The following PGAP2 variants were observed in gnomAD, a reference collection of about 807,000 sequenced individuals.
The protein encoded by PGAP2 is acyltransferase PGAP2.
PGAP2 carries 21 observed loss-of-function variants against 33.2 expected under a neutral mutation model. That is an observed-to-expected ratio of 0.63 (90% CI 0.45 to 0.91). The LOEUF (loss-of-function observed/expected upper bound fraction) is 0.91, where lower values mean the gene tolerates loss of function less well. PGAP2 is among the 40% of genes least tolerant of loss of function. The pLI, the probability that PGAP2 is intolerant of heterozygous loss-of-function variation, is 0.00. For missense variants in PGAP2, 345 were observed against 424.0 expected (o/e 0.81, Z 1.64); for synonymous variants, 161 against 172.9 (o/e 0.93, Z 0.54).
chr11:3,816,636 A>C (rs1443671270), intron 2 of PGAP2, among the ~76,000 whole-genome samples: 2 of 152,112 alleles, frequency 1.3e-5, no homozygotes, highest in Admixed American at 6.5e-5. Flanking sequence ...GAGGAGATGT[A>C]GGTCTGGGCT....
intron 1 of PGAP2, among the ~76,000 whole-genome samples, chr11:3,802,831 T>A (rs1191471320): frequency 6.0e-5 from 1 of 16,756 alleles, no homozygotes; most frequent in South Asian, 2.0e-3. Flanking sequence ...TGTTTCTTTT[T>A]TTTTTTTTTT....
rs778866176 is a variant in PGAP2, at chr11:3,811,202, G to GCCA, written c.-10-47_-10-45dup. 6.4e-7 allele frequency: 1 copy of GCCA among 1,562,668 alleles called. No individual in the cohort carries two copies. Among genetic ancestry groups the GCCA allele is most frequent in the South Asian group, 1.2e-5 (1 of 84,182 alleles). ...ACAAGGGCTGACTTTATCACTGAGT[G>GCCA]CCAGCCTGGCTGCCTGGGGCCCTGA... On this transcript the variant is annotated intron_variant, in intron 1 of 6. Transcript: ENST00000278243. This position sits in a 1 kb window ranked among gnomAD's most constrained non-coding sequence, Gnocchi z 4.6.
rs2085521734 is a variant in PGAP2 at position 3,811,340 on chromosome 11, C to T, written c.81C>T (p.Val27=). 1 of 1,613,988 alleles carries T rather than the reference C, an allele frequency of 6.2e-7. No homozygotes were observed. The highest frequency in any genetic ancestry group is 1.7e-5 in the Admixed American group (1 of 60,000). ...TCACCATGGTGGCCCTGGTCACGGT[C>T]TGCTGTCCACTTGTCGCCTTCCTCT... ...LRFTMVALVT[V]CCPLVAFLFC... The change falls in exon 2 of 7, where the codon GTC becomes GTT. Residue 27 remains valine (V), a synonymous_variant. Coordinates refer to ENST00000278243, the MANE Select transcript of PGAP2 (RefSeq NM_014489.4). The surrounding 1 kb of genome is among the most constrained non-coding windows in gnomAD (Gnocchi z 4.6).
intron 1 of PGAP2, among the ~76,000 whole-genome samples, chr11:3,801,525 C>A (rs926626444): frequency 1.1e-4 from 16 of 151,534 alleles, no homozygotes; most frequent in Non-Finnish European, 1.8e-4. Context: ...GCCTGTAGTC[C>A]CAGCTATTCG....
chr11:3,808,527 T>G, upstream of PGAP2: 2 of 1,398,596 alleles, frequency 1.4e-6, no homozygotes, highest in Non-Finnish European at 9.3e-7. Flanking sequence ...CCTCTCTAAG[T>G]TCCGCCCCGA....
At position 3,817,549 on chromosome 11, in the gene PGAP2, C is replaced by T. The variant is rs1402820835; in HGVS notation, c.348+14C>T. On this transcript the variant is annotated intron_variant, in intron 3 of 6. Coordinates refer to ENST00000278243, the MANE Select transcript of PGAP2 (RefSeq NM_014489.4). The stretch of plus-strand genomic sequence containing the variant: ...ACTGACTGTGGGGTGAGTGCCAGCT[C>T]CCCAGCCCCTGGGTCAGGGCCAGGT... 6.2e-6 allele frequency: 10 copies of T among 1,611,700 alleles called. No individual in the cohort carries two copies. Among genetic ancestry groups the T allele is most frequent in the Non-Finnish European group, 8.5e-6 (10 of 1,177,920 alleles).
At position 3,798,246 on chromosome 11, in the gene PGAP2, G is replaced by T. The variant is rs567137758; in HGVS notation, c.139+264G>T. 4.3e-4 allele frequency: 353 copies of T among 825,942 alleles called. 2 individuals are homozygous for T. In the Middle Eastern group the frequency reaches 5.9e-3, roughly 14 times the overall value. The allele number at this position is 825,942 out of a possible 1,614,324, so 51.2% of individuals were successfully genotyped here. On this transcript the variant is annotated intron_variant, in intron 1 of 6. Coordinates refer to the PGAP2 transcript ENST00000300730. The stretch of plus-strand genomic sequence containing the variant: ...ATTAGGAGCATTAGAGATGCCCTAA[G>T]GGACTGGCCCACCAAAGGGCCTGGT...
At chr11:3,812,740 C>A (rs1466134389) in intron 2 of PGAP2, among the ~76,000 whole-genome samples, 1 of 152,184 alleles carries the variant, frequency 6.6e-6, no homozygotes, top group Non-Finnish European at 1.5e-5. Flanking sequence ...CTAGGATTAG[C>A]AGTGGGGTCT....
At chr11:3,817,128 G>T (rs183019430) in intron 2 of PGAP2, among the ~76,000 whole-genome samples, 169 of 152,216 alleles carry the variant, frequency 1.1e-3, no homozygotes, top group Admixed American at 3.5e-3. Context: ...GTATCACTGT[G>T]CCAGGGGGAT....
intron 1 of PGAP2, among the ~76,000 whole-genome samples, chr11:3,800,811 CAA>C (rs1162584142): frequency 7.5e-5 from 5 of 67,054 alleles, no homozygotes; most frequent in Non-Finnish European, 8.7e-5. Flanking sequence ...GACTCCGTCT[CAA>C]AAAAAAAAAA....
chr11:3,812,945 TG>T (rs1474914674), intron 2 of PGAP2, among the ~76,000 whole-genome samples: 1 of 152,198 alleles, frequency 6.6e-6, no homozygotes, highest in African/African-American at 2.4e-5. Context: ...AGTACCCTTT[TG>T]TGACCTAGTA....
chr11:3,816,913 A>G (rs546391614), intron 2 of PGAP2, among the ~76,000 whole-genome samples: 3 of 152,298 alleles, frequency 2.0e-5, no homozygotes, highest in Non-Finnish European at 2.9e-5. Flanking sequence ...GTCAGGTGGC[A>G]AGAGGCCTTA....
intron 6 of PGAP2, 24 bp downstream of exon 6, chr11:3,825,152 G>A (rs1275839720): frequency 1.2e-6 from 2 of 1,611,496 alleles, no homozygotes; most frequent in Non-Finnish European, 1.7e-6. Flanking sequence ...AGGATCCACA[G>A]GCGGTCATGA....
intron 4 of PGAP2, 29 bp downstream of exon 4, chr11:3,824,164 G>C: frequency 6.2e-7 from 1 of 1,613,474 alleles, no homozygotes. Context: ...GAGGAGTGGG[G>C]AAGTGTTCCC....
At chr11:3,824,787 C>G in intron 5 of PGAP2, 3 of 1,431,626 alleles carry the variant, frequency 2.1e-6, no homozygotes, top group African/African-American at 1.4e-5. Flanking sequence ...ATACTCCATC[C>G]CCCTGAAGTG....
At chr11:3,802,857 G>T (rs1321698512) in intron 1 of PGAP2, among the ~76,000 whole-genome samples, 2 of 144,996 alleles carry the variant, frequency 1.4e-5, no homozygotes, top group South Asian at 2.2e-4. Flanking sequence ...GATGGAGACT[G>T]GCTCTTTTGC....
upstream of PGAP2, among the ~76,000 whole-genome samples, chr11:3,806,392 C>G (rs1287422442): frequency 2.0e-5 from 3 of 152,046 alleles, no homozygotes; most frequent in African/African-American, 7.2e-5. Context: ...GGGGAGAACT[C>G]AAAATCAAGA....
Position 3,817,430 on chromosome 11 carries a change from A to C in PGAP2, c.243A>C (p.Thr81=), listed in dbSNP as rs1378150820. The change falls in exon 3 of 7, where the codon ACA becomes ACC. Residue 81 remains threonine, a synonymous_variant. Transcript: ENST00000278243. The stretch of plus-strand genomic sequence containing the variant: ...GGACCTTGTTCCGGCTTCGCTTCAC[A>C]GCCATGGTCTGGTGGGCCATCACTT... ...PDGTLFRLRF[T]AMVWWAITFP... 1.9e-6 allele frequency: 3 copies of C among 1,613,852 alleles called. No individual in the cohort carries two copies. Among genetic ancestry groups the C allele is most frequent in the Non-Finnish European group, 2.5e-6 (3 of 1,179,992 alleles).
upstream of PGAP2, chr11:3,808,041 G>A: frequency 7.1e-7 from 1 of 1,406,716 alleles, no homozygotes; most frequent in Non-Finnish European, 9.2e-7. Flanking sequence ...ACAGCTCTAG[G>A]CCAGAGTTTC....
Sources: allele counts gnomAD v4.1 joint callset (sites outside exome capture counted in the v4.1 genomes callset), GRCh38; gene constraint gnomAD v4.1.1; non-coding constraint Gnocchi (gnomAD v3.1); transcripts MANE v1.5; gene names NCBI Gene and HGNC (gene_info 2026-07-23, HGNC 2026-07-21).